Variants in AZIN2 observed in about 807,000 individuals in gnomAD.
AZIN2 encodes ODC antizyme inhibitor-2.
AZIN2 carries 28 observed loss-of-function variants against 47.8 expected under a neutral mutation model. That is an observed-to-expected ratio of 0.59 (90% confidence interval 0.43 to 0.80). The LOEUF is 0.80. AZIN2 is among the 30% of genes least tolerant of loss of function. The pLI is 0.00. For missense variants in AZIN2, 535 were observed against 582.5 expected (o/e 0.92, Z 0.84); for synonymous variants, 221 against 239.4 (o/e 0.92, Z 0.71).
chr1:33,110,364 A>G (rs781719767), intron 10 of AZIN2, among the ~76,000 whole-genome samples: 3 of 152,218 alleles, frequency 2.0e-5, no homozygotes, highest in Non-Finnish European at 4.4e-5. Flanking sequence ...AAAAATCACA[A>G]CATACAAAGA....
At chr1:33,087,385 G>A (rs1279289708) in intron 5 of AZIN2, among the ~76,000 whole-genome samples, 3 of 151,606 alleles carry the variant, frequency 2.0e-5, no homozygotes, top group South Asian at 2.1e-4. Flanking sequence ...CACCCGCCTC[G>A]GCCTCCCAAA....
rs1258075413 is a variant in AZIN2 at position 33,081,702 on chromosome 1, G to C, written c.-183G>C. On this transcript the variant is annotated 5_prime_UTR_variant, in exon 3 of 12. Coordinates refer to ENST00000294517, the MANE Select transcript of AZIN2 (RefSeq NM_052998.4). This position sits in a 1 kb window ranked among gnomAD's most constrained non-coding sequence, Gnocchi z 4.2. ...CCCATTTACAATTGGGGAAACTGCG[G>C]CTCCGAAAGGGTCAGAGGGTACCCG... is the stretch of plus-strand genomic sequence containing the variant. 1.2e-5 allele frequency: 2 copies of C among 171,684 alleles called. No individual in the cohort carries two copies. The highest frequency in any genetic ancestry group is 1.1e-4 in the Admixed American group (2 of 18,464). 10.6% of individuals were successfully genotyped at this position (171,684 alleles called of 1,614,324 possible).
chr1:33,153,287 C>T, the AZIN2 span, among the ~76,000 whole-genome samples: 4 of 152,230 alleles, frequency 2.6e-5, no homozygotes, highest in Non-Finnish European at 5.9e-5. Flanking sequence ...GCCAACCAGG[C>T]TGCTGCTCTC....
At chr1:33,159,096 C>T in the AZIN2 span, among the ~76,000 whole-genome samples, 9 of 151,926 alleles carry the variant, frequency 5.9e-5, no homozygotes, top group Non-Finnish European at 1.0e-4. The surrounding 1 kb of genome is among the most constrained non-coding windows in gnomAD (Gnocchi z 4.2). Flanking sequence ...CCACCTGCCT[C>T]GGCCTCCCAA....
the AZIN2 span, among the ~76,000 whole-genome samples, chr1:33,140,738 G>C: frequency 6.6e-6 from 1 of 152,186 alleles, no homozygotes; most frequent in Non-Finnish European, 1.5e-5. The surrounding 1 kb of genome is among the most constrained non-coding windows in gnomAD (Gnocchi z 4.0). Flanking sequence ...TGCCAGCAAA[G>C]GAGGACCAGG....
the AZIN2 span, among the ~76,000 whole-genome samples, chr1:33,153,950 A>C: frequency 6.6e-6 from 1 of 152,220 alleles, no homozygotes; most frequent in Non-Finnish European, 1.5e-5. Context: ...AGACAATGAC[A>C]AAACAGTGAG....
the AZIN2 span, among the ~76,000 whole-genome samples, chr1:33,155,339 G>A: frequency 6.6e-6 from 1 of 152,152 alleles, no homozygotes; most frequent in Admixed American, 6.5e-5. Context: ...CCAAAGTGCT[G>A]GAATTACAGG....
intron 5 of AZIN2, among the ~76,000 whole-genome samples, chr1:33,089,606 AAGCAAGCTGTGGTGGC>A (rs1642311857): frequency 6.6e-6 from 1 of 152,156 alleles, no homozygotes; most frequent in African/African-American, 2.4e-5. Context: ...TGCCCCTGGG[AAGCAAGCTGTGGTGGC>A]AGCAAGCCCA....
chr1:33,118,605 C>T (rs116832156), intron 11 of AZIN2: 2,673 of 156,818 alleles, frequency 0.017, 29 homozygotes, highest in Non-Finnish European at 0.025. Context: ...GAAGCAGGGG[C>T]ATAACACAGT....
Position 33,084,124 on chromosome 1 carries a change from CAAG to C in AZIN2, c.277_279del (p.Lys93del). 1 of 1,609,814 alleles carries C rather than the reference CAAG, an allele frequency of 6.2e-7. No homozygotes were observed. The highest frequency in any genetic ancestry group is 8.5e-7 in the Non-Finnish European group (1 of 1,180,000). ...TGGGGCTGGGCTTTAGCTGTGCCAA[CAAG>C]GTGAGCCCTGCCCGCACGGTGCACT... On this transcript the variant is annotated inframe_deletion and splice_region_variant, in exon 5 of 12. Transcript: ENST00000294517.
rs142641442 is a variant in AZIN2 at position 33,123,018 on chromosome 1, C to T, written c.*2836C>T. 5.4e-4 allele frequency among the ~76,000 whole-genome samples: 83 copies of T among 152,306 alleles called. No homozygotes were observed. Among genetic ancestry groups the T allele is most frequent in the Non-Finnish European group, 1.0e-3 (71 of 68,038 alleles). ...CTCTGACTCCCACACTTCCCTCTCA[C>T]GCACTGGGTCCTGGCCACACTGGCC... On this transcript the variant is annotated 3_prime_UTR_variant, in exon 12 of 12. Transcript: ENST00000294517.
At chr1:33,140,191 C>T in the AZIN2 span, among the ~76,000 whole-genome samples, 2 of 152,056 alleles carry the variant, frequency 1.3e-5, no homozygotes, top group African/African-American at 4.8e-5. This position sits in a 1 kb window ranked among gnomAD's most constrained non-coding sequence, Gnocchi z 4.0. Flanking sequence ...CTTGTTCAGC[C>T]GATGAGGAAC....
chr1:33,094,500 G>A (rs1305019105), intron 7 of AZIN2, 48 bp from the exon 8 acceptor site: 1 of 1,574,756 alleles, frequency 6.4e-7, no homozygotes, highest in Non-Finnish European at 8.7e-7. Context: ...CTCAGGTGGT[G>A]GCACTTGGAG....
chr1:33,138,432 G>C, the AZIN2 span, among the ~76,000 whole-genome samples: 1 of 152,098 alleles, frequency 6.6e-6, no homozygotes, highest in Non-Finnish European at 1.5e-5. Context: ...GAAGCTGAGT[G>C]GAGAGGTTGC....
At chr1:33,165,370 C>T in the AZIN2 span, 5 of 1,138,498 alleles carry the variant, frequency 4.4e-6, no homozygotes, top group Admixed American at 2.5e-5. This position sits in a 1 kb window ranked among gnomAD's most constrained non-coding sequence, Gnocchi z 4.0. Context: ...AGGTTTCCAC[C>T]GCACACCCGA....
the AZIN2 span, among the ~76,000 whole-genome samples, chr1:33,159,309 C>T: frequency 6.6e-6 from 1 of 151,942 alleles, no homozygotes; most frequent in Non-Finnish European, 1.5e-5. The surrounding 1 kb of genome is among the most constrained non-coding windows in gnomAD (Gnocchi z 4.2). Flanking sequence ...ATTGTAAACA[C>T]TATTAAATGC....
chr1:33,090,804 C>A (rs1468507625), intron 5 of AZIN2, among the ~76,000 whole-genome samples: 1 of 152,146 alleles, frequency 6.6e-6, no homozygotes, highest in Non-Finnish European at 1.5e-5. Context: ...GAACTTAATT[C>A]TCCTGACTAA....
At chr1:33,119,254 C>T (rs1031049982) in intron 11 of AZIN2, 8 of 153,340 alleles carry the variant, frequency 5.2e-5, no homozygotes, top group South Asian at 2.1e-4. Flanking sequence ...GTGGAAGAGG[C>T]GGGTAGAGCC....
At chr1:33,130,205 G>A in the AZIN2 span, among the ~76,000 whole-genome samples, 1 of 152,214 alleles carries the variant, frequency 6.6e-6, no homozygotes, top group Admixed American at 6.5e-5. Flanking sequence ...GGAAGAGGAT[G>A]CGGTAGGCAG....
Sources: gnomAD v4.1 joint callset for allele counts (sites outside exome capture counted in the v4.1 genomes callset) on GRCh38, gnomAD v4.1.1 for gene constraint, Gnocchi (gnomAD v3.1) non-coding constraint, MANE v1.5 for transcripts, NCBI Gene and HGNC (gene_info 2026-07-23, HGNC 2026-07-21) for gene names.